Variants in ZNF140 observed in about 807,000 individuals in gnomAD.
ZNF140 encodes zinc finger protein 140 (clone pHZ-39).
ZNF140 carries 13 observed loss-of-function variants against 12.9 expected under a neutral mutation model. The observed-to-expected ratio is 1.01, with a 90% CI of 0.66 to 1.60. The LOEUF (loss-of-function observed/expected upper bound fraction) is 1.60. ZNF140 is among the 40% of genes most tolerant of loss of function. The pLI is 0.00. For synonymous variants in ZNF140, 214 were observed against 186.7 expected, an observed-to-expected ratio of 1.15 and a Z score of -1.19; for missense variants, 531 against 548.8, an observed-to-expected ratio of 0.97 and a Z score of 0.32.
chr12:133,082,374 A>G (rs7308111), intron 2 of ZNF140: 65,194 of 152,036 alleles, frequency 0.43, 14,336 homozygotes, highest in Non-Finnish European at 0.47. Context: ...TCCATCTGGG[A>G]CTGCTACTAG....
intron 4 of ZNF140, chr12:133,093,353 A>G: frequency 1.5e-6 from 1 of 678,412 alleles, no homozygotes; most frequent in South Asian, 1.5e-5. Context: ...CACCGTTGAT[A>G]CAATCATTAA....
chr12:133,106,554 C>G lies in ZNF140; in HGVS notation c.1277C>G (p.Ser426Ter). 2 of 1,613,932 alleles carry G rather than the reference C, an allele frequency of 1.2e-6. No homozygotes were observed. Among genetic ancestry groups the G allele is most frequent in the Non-Finnish European group, 1.7e-6 (2 of 1,180,002 alleles). ...KVCNKSFSWS[S>*]NLAKHQRTHT... ...TGCAACAAATCCTTCAGCTGGAGCT[C>G]AAACCTTGCTAAACATCAGAGGACA... The change falls in exon 5 of 5, where the codon TCA becomes TGA. Residue 426 changes from serine to a stop codon, truncating the protein, a stop_gained. Transcript: ENST00000355557. LOFTEE classifies it low-confidence loss of function (END_TRUNC).
At position 133,105,623 on chromosome 12, in the gene ZNF140, A is replaced by T; in HGVS notation, c.346A>T (p.Ser116Cys). 6.2e-7 allele frequency: 1 copy of T among 1,614,186 alleles called. No individual in the cohort carries two copies. Among genetic ancestry groups the T allele is most frequent in the Non-Finnish European group, 8.5e-7 (1 of 1,180,034 alleles). Residue 116 changes from serine (S) to cysteine (C), a missense_variant, in exon 5 of 5, where the codon AGT becomes TGT. Ser to Cys is a moderately radical substitution (Grantham distance 112). Coordinates refer to ENST00000355557, the MANE Select transcript of ZNF140 (RefSeq NM_003440.4). ...TCTAAGTCAAGGCCCTGTGTATTCC[A>T]GTTTTAAAGGAGGCTGGAAATGCAA... is the stretch of plus-strand genomic sequence containing the variant. ...RILSQGPVYS[S>C]FKGGWKCKDH... is the part of the protein sequence containing the mutation.
chr12:133,103,996 T>G (rs1955465619), intron 4 of ZNF140, among the ~76,000 whole-genome samples: 1 of 152,218 alleles, frequency 6.6e-6, no homozygotes, highest in Non-Finnish European at 1.5e-5. Flanking sequence ...TAGGTACAGA[T>G]CTTGATCCAT....
chr12:133,104,505 T>C (rs615494), intron 4 of ZNF140, among the ~76,000 whole-genome samples: 143,756 of 152,052 alleles, frequency 0.95, 69,047 homozygotes, highest in Middle Eastern at 1. Context: ...GTGCATGCCA[T>C]CACGCCTGGC....
chr12:133,090,841 T>C (rs1378699135), intron 4 of ZNF140, among the ~76,000 whole-genome samples: 2 of 123,364 alleles, frequency 1.6e-5, no homozygotes, highest in Non-Finnish European at 3.5e-5. Flanking sequence ...GGGAAGGTAC[T>C]ATGCCTAGAT....
At chr12:133,083,294 C>G in intron 3 of ZNF140, 65 bp downstream of exon 3, 1 of 1,564,346 alleles carries the variant, frequency 6.4e-7, no homozygotes, top group South Asian at 1.2e-5. Context: ...TTATAATTAT[C>G]TGGCTGAATA....
At chr12:133,084,618 G>A (rs1954614529) in intron 4 of ZNF140, among the ~76,000 whole-genome samples, 2 of 152,222 alleles carry the variant, frequency 1.3e-5, no homozygotes, top group South Asian at 4.1e-4. Flanking sequence ...TGGAGAAAAG[G>A]TGATGAATTC....
chr12:133,088,135 AAAAG>A (rs1431034168), intron 4 of ZNF140, among the ~76,000 whole-genome samples: 3 of 151,944 alleles, frequency 2.0e-5, no homozygotes, highest in East Asian at 2.0e-4. Flanking sequence ...CTAAAAAAAA[AAAAG>A]AAAGAAAAAG....
intron 4 of ZNF140, among the ~76,000 whole-genome samples, chr12:133,096,361 A>G (rs1955126769): frequency 6.6e-6 from 1 of 152,160 alleles, no homozygotes; most frequent in African/African-American, 2.4e-5. Flanking sequence ...CTACAAATTA[A>G]CAACATCTCA....
intron 4 of ZNF140, among the ~76,000 whole-genome samples, chr12:133,086,185 T>C (rs1310130778): frequency 2.0e-5 from 3 of 152,218 alleles, no homozygotes; most frequent in Non-Finnish European, 4.4e-5. Context: ...CTGATACATA[T>C]TGGCACAAGT....
chr12:133,083,241 T>C lies in ZNF140; in HGVS notation c.136+12T>C. 6.2e-7 allele frequency: 1 copy of C among 1,603,550 alleles called. No homozygotes were observed. Among genetic ancestry groups the C allele is most frequent in the South Asian group, 1.1e-5 (1 of 90,730 alleles). ...TCTGGTCTCACTGGGTAAGTATTCTTCTTCATCTCCCTCAAGGCAAAATTT... is the reference window on the plus strand; with the variant it reads ...TCTGGTCTCACTGGGTAAGTATTCTCCTTCATCTCCCTCAAGGCAAAATTT... On this transcript the variant is annotated intron_variant, in intron 3 of 4. Transcript: ENST00000355557.
At chr12:133,088,977 G>T (rs1478635998) in intron 4 of ZNF140, among the ~76,000 whole-genome samples, 1 of 152,052 alleles carries the variant, frequency 6.6e-6, no homozygotes, top group East Asian at 1.9e-4. Context: ...ATTTTGTTGA[G>T]AATTTTTACA....
intron 4 of ZNF140, among the ~76,000 whole-genome samples, chr12:133,100,109 T>TA (rs1297785908): frequency 6.6e-6 from 1 of 151,464 alleles, no homozygotes; most frequent in Non-Finnish European, 1.5e-5. Context: ...TGCCATTGGT[T>TA]AGAGTATGTT....
intron 4 of ZNF140, among the ~76,000 whole-genome samples, chr12:133,101,323 G>T (rs922024568): frequency 6.6e-6 from 1 of 152,026 alleles, no homozygotes; most frequent in Non-Finnish European, 1.5e-5. Context: ...TTGTCCTACA[G>T]TTCTTGGATA....
At chr12:133,095,355 A>G (rs1955032545) in intron 4 of ZNF140, among the ~76,000 whole-genome samples, 1 of 150,996 alleles carries the variant, frequency 6.6e-6, no homozygotes, top group Admixed American at 6.6e-5. Flanking sequence ...CCGAGCGCAC[A>G]AGCTTACCGC....
intron 4 of ZNF140, among the ~76,000 whole-genome samples, chr12:133,086,783 C>T (rs1954690966): frequency 1.3e-5 from 2 of 152,290 alleles, no homozygotes; most frequent in South Asian, 4.1e-4. Flanking sequence ...TTTTGCCATT[C>T]ACATTTCGAT....
Position 133,106,871 on chromosome 12 carries a change from A to G in ZNF140, c.*220A>G, listed in dbSNP as rs2137600359. On this transcript the variant is annotated 3_prime_UTR_variant, in exon 5 of 5. Transcript: ENST00000355557. ...TTTATTTTTTTGCAATAACAAGGTG[A>G]AATCAATATTGTTGAGAAGATTCTT... The G allele has an allele frequency of 2.5e-6, 1 of 401,880 alleles. No homozygotes were observed. The highest frequency in any genetic ancestry group is 4.1e-5 in the East Asian group (1 of 24,618). 24.9% of individuals were successfully genotyped at this position (401,880 alleles called of 1,614,324 possible). A position where few individuals can be genotyped will look rare whatever the true frequency, so the allele number is the denominator to read the frequency against.
intron 4 of ZNF140, among the ~76,000 whole-genome samples, chr12:133,085,929 GA>G (rs1458267778): frequency 2.0e-5 from 3 of 152,196 alleles, no homozygotes; most frequent in African/African-American, 7.2e-5. Flanking sequence ...TGAGGTAAGA[GA>G]ACCACTTGAG....
Sources: allele counts gnomAD v4.1 joint callset (sites outside exome capture counted in the v4.1 genomes callset), GRCh38; gene constraint gnomAD v4.1.1; transcripts MANE v1.5; gene names NCBI Gene and HGNC (gene_info 2026-07-23, HGNC 2026-07-21).